ATG14: variants seen among roughly 807,000 people sequenced by gnomAD.
ATG14 encodes the protein autophagy related 14, also known as beclin 1-associated autophagy-related key regulator.
Under a neutral mutation model 60.4 loss-of-function variants are expected in ATG14, and 35 were observed. The observed-to-expected ratio is 0.58, with a 90% CI of 0.44 to 0.77. The LOEUF is 0.77. Among genes scored for constraint, ATG14 ranks in the 30% least tolerant of loss-of-function variants. ATG14 has a pLI of 0.00. For synonymous variants in ATG14, 234 were observed against 228.8 expected (o/e 1.02, Z -0.21); for missense variants, 647 against 626.3 (o/e 1.03, Z -0.35).
intron 3 of ATG14, chr14:55,395,042 C>T (rs1885288987): frequency 2.0e-6 from 1 of 491,152 alleles, no homozygotes; most frequent in Non-Finnish European, 4.1e-6. Flanking sequence ...TTAGCCACTT[C>T]TGACTTTTCC....
chr14:55,395,999 C>T lies in ATG14; in HGVS notation c.285-17G>A. ...TTTAACACTCTGTGAGGAAAAGAGA[C>T]AGAAAATAAGCTCTTAAAAATAATA... On this transcript the variant is annotated splice_polypyrimidine_tract_variant and intron_variant, in intron 2 of 9. Coordinates refer to ENST00000247178, the MANE Select transcript of ATG14 (RefSeq NM_014924.5). The T allele has an allele frequency of 6.4e-7, 1 of 1,565,812 alleles. No homozygotes were observed.
chr14:55,385,964 A>G lies in ATG14; in HGVS notation c.542T>C (p.Ile181Thr). The change falls in exon 5 of 10, where the codon ATT (isoleucine) becomes ACT (threonine). Residue 181 changes from isoleucine to threonine, a missense_variant. Coordinates refer to ENST00000247178, the MANE Select transcript of ATG14 (RefSeq NM_014924.5). ...ACGCTCATAATGACTTCTTAAGTCA[A>G]TGGTCTTTTTTTCTACCAGGTCACC... ...KLGDLVEKKTIDLRSHYERLA... is the reference protein window; with the variant it reads ...KLGDLVEKKTTDLRSHYERLA... The G allele has an allele frequency of 1.2e-6, 2 of 1,614,108 alleles. No homozygotes were observed. Among genetic ancestry groups the G allele is most frequent in the Non-Finnish European group, 1.7e-6 (2 of 1,180,018 alleles).
intron 1 of ATG14, among the ~76,000 whole-genome samples, chr14:55,405,110 A>G (rs1489544138): frequency 2.6e-5 from 4 of 152,350 alleles, no homozygotes; most frequent in East Asian, 1.9e-4. Flanking sequence ...TGAAGGACAC[A>G]GTGAAACAGT....
chr14:55,405,514 A>G (rs1406595383), intron 1 of ATG14, among the ~76,000 whole-genome samples: 2 of 152,202 alleles, frequency 1.3e-5, no homozygotes, highest in Non-Finnish European at 2.9e-5. Context: ...CCACATGTGA[A>G]AATCAGTGGC....
rs1885308481 is a variant in ATG14 at position 55,396,002 on chromosome 14, A to G, written c.285-20T>C. 2 of 1,554,660 alleles carry G rather than the reference A, an allele frequency of 1.3e-6. No individual in the cohort carries two copies. The highest frequency in any genetic ancestry group is 8.7e-7 in the Non-Finnish European group (1 of 1,151,904). Reference sequence around the variant, plus strand: ...AACACTCTGTGAGGAAAAGAGACAGAAAATAAGCTCTTAAAAATAATAAAA... The same window carrying G: ...AACACTCTGTGAGGAAAAGAGACAGGAAATAAGCTCTTAAAAATAATAAAA... On this transcript the variant is annotated intron_variant, in intron 2 of 9. Transcript: ENST00000247178.
chr14:55,375,588 C>T (rs1309498838), intron 9 of ATG14, among the ~76,000 whole-genome samples: 1 of 150,454 alleles, frequency 6.6e-6, no homozygotes, highest in Non-Finnish European at 1.5e-5. Context: ...AAGTGATCCT[C>T]CCACTTCAGC....
intron 3 of ATG14, among the ~76,000 whole-genome samples, chr14:55,393,727 C>A (rs1276513230): frequency 1.3e-5 from 2 of 151,610 alleles, no homozygotes; most frequent in Non-Finnish European, 2.9e-5. Flanking sequence ...GGTTTTTGTT[C>A]GTTTTTGTAG....
chr14:55,397,376 T>G lies in ATG14; in HGVS notation c.280A>C (p.Lys94Gln). 6.2e-7 allele frequency: 1 copy of G among 1,613,266 alleles called. No individual in the cohort carries two copies. The highest frequency in any genetic ancestry group is 8.5e-7 in the Non-Finnish European group (1 of 1,179,296). Residue 94 changes from lysine (K) to glutamine (Q), a missense_variant, in exon 2 of 10, where the codon AAA becomes CAA. By Grantham distance (53) the Lys-to-Gln change is moderately conservative. Coordinates refer to ENST00000247178, the MANE Select transcript of ATG14 (RefSeq NM_014924.5). ...AAGACAAAACAAAACACTCACTCTT[T>G]CTGAAATTCTTCTTGCTTGCTCTTA... ...RLKSKQEEFQ[K>Q]EVLKAMEGKW... is the part of the protein sequence containing the mutation.
chr14:55,388,461 G>C (rs893710574), intron 4 of ATG14, among the ~76,000 whole-genome samples: 5 of 152,190 alleles, frequency 3.3e-5, no homozygotes, highest in Non-Finnish European at 5.9e-5. Context: ...GTTTGGTGCT[G>C]TATCTGTAAT....
At chr14:55,373,555 G>A (rs1324703526) in intron 9 of ATG14, among the ~76,000 whole-genome samples, 1 of 152,124 alleles carries the variant, frequency 6.6e-6, no homozygotes, top group Admixed American at 6.5e-5. Context: ...CGCCTCCTGG[G>A]TTCAAGCGAT....
intron 4 of ATG14, among the ~76,000 whole-genome samples, chr14:55,388,980 C>A (rs989230089): frequency 3.3e-5 from 5 of 151,974 alleles, no homozygotes; most frequent in Admixed American, 6.6e-5. Context: ...TTTGACATTG[C>A]CATCACGTTC....
At chr14:55,385,431 T>C (rs1018212401) in intron 5 of ATG14, among the ~76,000 whole-genome samples, 1 of 152,204 alleles carries the variant, frequency 6.6e-6, no homozygotes, top group Non-Finnish European at 1.5e-5. Context: ...TAGCTGGGAC[T>C]ACAGGCACGC....
intron 7 of ATG14, 70 bp downstream of exon 7, chr14:55,380,503 A>T: frequency 1.9e-6 from 2 of 1,032,356 alleles, no homozygotes; most frequent in East Asian, 2.5e-5. Flanking sequence ...GTTTATTGGA[A>T]TAAATAAAGA....
rs1170395472 is a variant in ATG14, at chr14:55,369,822, C to T, written c.1276G>A (p.Asp426Asn). ...SDESGDERVS[D>N]EETDLGTDWE... ...TCTGTGCCCAGGTCGGTTTCTTCAT[C>T]GCTGACGCGCTCATCTCCGCTCTCA... The change falls in exon 10 of 10, where the codon GAT (aspartate) becomes AAT (asparagine). Residue 426 changes from aspartate to asparagine, a missense_variant. Transcript: ENST00000247178. The T allele has an allele frequency of 8.1e-6, 13 of 1,614,226 alleles. No individual in the cohort carries two copies. The highest frequency in any genetic ancestry group is 1.1e-5 in the Non-Finnish European group (13 of 1,180,038).
intron 6 of ATG14, 147 bp downstream of exon 6, chr14:55,381,815 G>C: frequency 1.5e-6 from 1 of 661,876 alleles, no homozygotes; most frequent in Non-Finnish European, 2.6e-6. Context: ...AAAATGTTTT[G>C]AAATGACATG....
intron 1 of ATG14, among the ~76,000 whole-genome samples, chr14:55,407,375 C>T (rs539596290): frequency 1.3e-3 from 201 of 152,238 alleles, no homozygotes; most frequent in Middle Eastern, 0.01. Context: ...GTAATCTGCC[C>T]GCCTCAGCCT....
chr14:55,410,170 G>C (rs963799821), intron 1 of ATG14, among the ~76,000 whole-genome samples: 6 of 152,162 alleles, frequency 3.9e-5, no homozygotes, highest in African/African-American at 1.2e-4. Context: ...GGAAAACAAG[G>C]AGTTCAGTTT....
At chr14:55,388,317 G>A (rs72717749) in intron 4 of ATG14, among the ~76,000 whole-genome samples, 1,707 of 152,292 alleles carry the variant, frequency 0.011, 14 homozygotes, top group Middle Eastern at 0.027. Context: ...ATTTCTGGGG[G>A]AAGATCCATT....
chr14:55,377,693 A>C, intron 9 of ATG14, 126 bp downstream of exon 9: 1 of 570,376 alleles, frequency 1.8e-6, no homozygotes, highest in Non-Finnish European at 3.0e-6. Flanking sequence ...TCTGTATTGG[A>C]CTCCACTATT....
Sources: gnomAD v4.1 joint callset for allele counts (sites outside exome capture counted in the v4.1 genomes callset) on GRCh38, gnomAD v4.1.1 for gene constraint, MANE v1.5 for transcripts, NCBI Gene and HGNC (gene_info 2026-07-23, HGNC 2026-07-21) for gene names.